The following PPP1R3A variants were observed in gnomAD, a reference collection of about 807,000 sequenced individuals.
The protein encoded by PPP1R3A is protein phosphatase 1 regulatory subunit 3A, also known as RG1.
In PPP1R3A, 29 loss-of-function variants were observed where a neutral mutation model predicts 41.7. The ratio of observed to expected loss-of-function variants is 0.70; its 90% CI spans 0.52 to 0.95. PPP1R3A has a LOEUF of 0.95. Among genes scored for constraint, PPP1R3A ranks in the 40% least tolerant of loss-of-function variants. The pLI, the probability that PPP1R3A is intolerant of heterozygous loss-of-function variation, is 0.00. For synonymous variants in PPP1R3A, 485 were observed against 453.4 expected (o/e 1.07, Z -0.89); for missense variants, 1,352 against 1,292.4 (o/e 1.05, Z -0.71).
chr7:113,889,208 C>G (rs1796837352), intron 1 of PPP1R3A, among the ~76,000 whole-genome samples: 1 of 152,136 alleles, frequency 6.6e-6, no homozygotes, highest in Non-Finnish European at 1.5e-5. Context: ...AGATGATAGA[C>G]AGGTGGGAGA....
chr7:113,917,477 G>A (rs530772111), intron 1 of PPP1R3A, among the ~76,000 whole-genome samples: 4 of 151,938 alleles, frequency 2.6e-5, no homozygotes, highest in African/African-American at 7.2e-5. Context: ...ACTAATGAGG[G>A]GTCACATCCC....
At chr7:113,887,249 A>G (rs1291447065) in intron 1 of PPP1R3A, among the ~76,000 whole-genome samples, 1 of 152,106 alleles carries the variant, frequency 6.6e-6, no homozygotes, top group Non-Finnish European at 1.5e-5. Context: ...TTTTAAAATC[A>G]TTATAATTTT....
In PPP1R3A at chr7:113,882,159, G is replaced by C. The variant is rs375345002; in HGVS notation, c.846C>G (p.Thr282=). ...GAGAACAAATGATTGTTGGGATATA[G>C]GTATCTGAAAAGTTAATATAATTGT... ...NNFENPKNTD[T]YIPTIICSHE... is the part of the protein sequence containing the mutation. Residue 282 remains threonine, a synonymous_variant, in exon 3 of 4, where the codon ACC becomes ACG. Transcript: ENST00000284601. 1 of 1,611,004 alleles carries C rather than the reference G, an allele frequency of 6.2e-7. No individual in the cohort carries two copies. The highest frequency in any genetic ancestry group is 2.2e-5 in the East Asian group (1 of 44,732).
chr7:113,885,474 G>A (rs1345445886), intron 1 of PPP1R3A, among the ~76,000 whole-genome samples: 1 of 152,006 alleles, frequency 6.6e-6, no homozygotes, highest in Non-Finnish European at 1.5e-5. Flanking sequence ...CCATTCCCAG[G>A]TGTATACCCA....
rs988087844 is a variant in PPP1R3A, at chr7:113,876,973, A to G, written c.*750T>C. 6.6e-6 allele frequency: 1 copy of G among 151,988 alleles called. No homozygotes were observed. The highest frequency in any genetic ancestry group is 1.9e-4 in the East Asian group (1 of 5,162). 9.4% of individuals were successfully genotyped at this position (151,988 alleles called of 1,614,324 possible). A position where few individuals can be genotyped will look rare whatever the true frequency, so the allele number is the denominator to read the frequency against. On this transcript the variant is annotated 3_prime_UTR_variant, in exon 4 of 4. Transcript: ENST00000284601. The stretch of plus-strand genomic sequence containing the variant: ...GACACTGAAATAGTTCAGCTGTGTT[A>G]CAGTCTTCCCTCACAAGAGAAAAGC...
intron 3 of PPP1R3A, among the ~76,000 whole-genome samples, 182 bp downstream of exon 3, chr7:113,881,857 A>G (rs533111640): frequency 6.6e-6 from 1 of 152,196 alleles, no homozygotes; most frequent in African/African-American, 2.4e-5. Context: ...TGCAGAGACC[A>G]GAAGCAACAT....
In PPP1R3A at chr7:113,877,716, G is replaced by A; in HGVS notation, c.*7C>T. The A allele has an allele frequency of 6.5e-7, 1 of 1,539,458 alleles. No homozygotes were observed. The highest frequency in any genetic ancestry group is 8.7e-7 in the Non-Finnish European group (1 of 1,147,392). On this transcript the variant is annotated 3_prime_UTR_variant, in exon 4 of 4. Coordinates refer to ENST00000284601, the MANE Select transcript of PPP1R3A (RefSeq NM_002711.4). The stretch of plus-strand genomic sequence containing the variant: ...TTATCTTTTAAGAGAGAATAGTAGT[G>A]CTGAGGTTACTTCTTTTTGACAGAC...
intron 1 of PPP1R3A, among the ~76,000 whole-genome samples, chr7:113,895,645 T>C (rs1796964686): frequency 6.6e-6 from 1 of 151,960 alleles, no homozygotes; most frequent in East Asian, 1.9e-4. Flanking sequence ...TTTCAAGCAA[T>C]TCCATTTTAC....
intron 1 of PPP1R3A, 43 bp from the exon 2 acceptor site, chr7:113,882,363 G>A: frequency 8.4e-7 from 1 of 1,186,926 alleles, no homozygotes; most frequent in Non-Finnish European, 1.2e-6. Flanking sequence ...TTCTGGGACT[G>A]CATCTTCTAA....
At chr7:113,890,785 T>C (rs894647162) in intron 1 of PPP1R3A, among the ~76,000 whole-genome samples, 2 of 152,020 alleles carry the variant, frequency 1.3e-5, no homozygotes, top group Admixed American at 6.6e-5. Flanking sequence ...TGTTTCTAAG[T>C]CAGCTATTAA....
intron 1 of PPP1R3A, among the ~76,000 whole-genome samples, chr7:113,893,005 C>T (rs763219865): frequency 1.6e-4 from 25 of 151,944 alleles, no homozygotes; most frequent in Non-Finnish European, 2.9e-4. Context: ...TACACTCATG[C>T]TGACCTTTCT....
intron 1 of PPP1R3A, among the ~76,000 whole-genome samples, chr7:113,904,835 G>A (rs938523913): frequency 2.6e-5 from 4 of 151,544 alleles, no homozygotes; most frequent in Admixed American, 6.6e-5. Context: ...CAGCTAATTC[G>A]TTCTCAAAAT....
intron 1 of PPP1R3A, among the ~76,000 whole-genome samples, chr7:113,901,150 T>A (rs1428447559): frequency 6.6e-6 from 1 of 151,670 alleles, no homozygotes; most frequent in Non-Finnish European, 1.5e-5. Flanking sequence ...ACCAACTGCA[T>A]GTGTTCATCC....
intron 1 of PPP1R3A, among the ~76,000 whole-genome samples, chr7:113,889,237 A>G (rs1437184818): frequency 6.6e-6 from 1 of 152,126 alleles, no homozygotes; most frequent in Non-Finnish European, 1.5e-5. Context: ...TTTAGTTGCA[A>G]TTCCTGGCCC....
Position 113,878,922 on chromosome 7 carries a change from T to C in PPP1R3A, c.2170A>G (p.Lys724Glu). 2 of 1,613,180 alleles carry C rather than the reference T, an allele frequency of 1.2e-6. No homozygotes were observed. The highest frequency in any genetic ancestry group is 1.7e-6 in the Non-Finnish European group (2 of 1,179,784). The change falls in exon 4 of 4, where the codon AAA becomes GAA. Residue 724 changes from lysine to glutamate, a missense_variant. Physicochemically the swap from Lys to Glu is moderately conservative, Grantham distance 56 (BLOSUM62 1). Coordinates refer to ENST00000284601, the MANE Select transcript of PPP1R3A (RefSeq NM_002711.4). ...ATATAGGCTGTACCAGCTTCTGCTT[T>C]CTCAGTAATGCCATGATCAGCTAGA... ...SSLADHGITE[K>E]AEAGTAYIIK... is the part of the protein sequence containing the mutation.
rs1328250779 is a variant in PPP1R3A at position 113,889,606 on chromosome 7, T to A, written c.783-7286A>T. Among the ~76,000 whole-genome samples the A allele has an allele frequency of 2.6e-5, 4 of 152,124 alleles. No homozygotes were observed. The East Asian group carries it at 7.7e-4, about 29-fold the overall frequency. On this transcript the variant is annotated intron_variant, in intron 1 of 3. Transcript: ENST00000284601. ...CACTATCTTTATAAGTTGCGGTAAATTTTCCCTCACTTCAAAGAAATGAGA... is the reference window on the plus strand; with the variant it reads ...CACTATCTTTATAAGTTGCGGTAAAATTTCCCTCACTTCAAAGAAATGAGA...
intron 1 of PPP1R3A, among the ~76,000 whole-genome samples, chr7:113,885,113 G>GC (rs1287342788): frequency 1.3e-5 from 2 of 152,110 alleles, no homozygotes; most frequent in Non-Finnish European, 1.5e-5. Flanking sequence ...AGAGTCCAGT[G>GC]CGCAATCTTA....
At chr7:113,889,622 A>G (rs1468104211) in intron 1 of PPP1R3A, among the ~76,000 whole-genome samples, 1 of 152,202 alleles carries the variant, frequency 6.6e-6, no homozygotes, top group Non-Finnish European at 1.5e-5. Flanking sequence ...CTCACTTCAA[A>G]GAAATGAGAC....
Position 113,877,647 on chromosome 7 carries a change from T to C in PPP1R3A, c.*76A>G, listed in dbSNP as rs1796588954. The C allele has an allele frequency of 6.9e-7, 1 of 1,445,490 alleles. No homozygotes were observed. The highest frequency in any genetic ancestry group is 9.3e-7 in the Non-Finnish European group (1 of 1,078,226). 89.5% of individuals were successfully genotyped at this position (1,445,490 alleles called of 1,614,324 possible). ...AAAACTGCACTGGATCTTTGAACAA[T>C]GAATAGTCCCATTCACCAATCCAAA... On this transcript the variant is annotated 3_prime_UTR_variant, in exon 4 of 4. Transcript: ENST00000284601.
Sources: allele counts gnomAD v4.1 joint callset (sites outside exome capture counted in the v4.1 genomes callset), GRCh38; gene constraint gnomAD v4.1.1; transcripts MANE v1.5; gene names NCBI Gene and HGNC (gene_info 2026-07-23, HGNC 2026-07-21).